Variants in NFIC observed in about 807,000 individuals in gnomAD.
NFIC encodes the protein nuclear factor 1 C-type.
NFIC carries 12 observed loss-of-function variants against 54.4 expected under a neutral mutation model. That is an observed-to-expected ratio of 0.22 (90% CI 0.14 to 0.36). The LOEUF (loss-of-function observed/expected upper bound fraction) is 0.36, where lower values mean the gene tolerates loss of function less well. Among genes scored for constraint, NFIC ranks in the 10% least tolerant of loss-of-function variants. NFIC has a pLI of 1.00. For missense variants in NFIC, 575 were observed against 718.2 expected, an observed-to-expected ratio of 0.80 and a Z score of 2.28; for synonymous variants, 322 against 319.2, an observed-to-expected ratio of 1.01 and a Z score of -0.09.
chr19:3,382,489 T>G (rs1225029417), intron 2 of NFIC, among the ~76,000 whole-genome samples: 1 of 150,872 alleles, frequency 6.6e-6, no homozygotes, highest in East Asian at 2.0e-4. Flanking sequence ...TAGGAGAATA[T>G]GTAAAGTAGG....
Position 3,417,002 on chromosome 19 carries a change from G to C in NFIC, c.563-8104G>C, listed in dbSNP as rs1471921152. Among the ~76,000 whole-genome samples, 6 of 151,940 alleles carry C rather than the reference G, an allele frequency of 3.9e-5. No individual in the cohort carries two copies. In the East Asian group the frequency reaches 1.2e-3, roughly 30 times the overall value. ...GGGTTCACGCCATTCTCCTGCCTCA[G>C]CCTCCGGAGCAGCTGGGACTACAGG... On this transcript the variant is annotated intron_variant, in intron 2 of 10. Transcript: ENST00000443272.
Position 3,449,542 on chromosome 19 carries a change from CT to C in NFIC, c.1084+404del, listed in dbSNP as rs1227239200. Among the ~76,000 whole-genome samples, 5 of 151,998 alleles carry C rather than the reference CT, an allele frequency of 3.3e-5. No individual in the cohort carries two copies. The East Asian group carries it at 9.7e-4, about 30-fold the overall frequency. On this transcript the variant is annotated intron_variant, in intron 7 of 10. Transcript: ENST00000443272. ...TGGGAGGCTGAGGCGGGTGGATCAT[CT>C]GAGGTCAGGAGTTTGAGACCAGCCT...
At chr19:3,361,908 A>C (rs2080816737), upstream of NFIC, among the ~76,000 whole-genome samples, 1 of 152,094 alleles carries the variant, frequency 6.6e-6, no homozygotes, top group African/African-American at 2.4e-5. Flanking sequence ...CTGCACACAC[A>C]ACCACACAGA....
chr19:3,412,993 CAG>C (rs1021051701), intron 2 of NFIC, among the ~76,000 whole-genome samples: 26 of 152,304 alleles, frequency 1.7e-4, no homozygotes, highest in East Asian at 3.9e-4. Flanking sequence ...ACAGTGGACA[CAG>C]GGGCTGGAAG....
chr19:3,462,899 G>C lies in NFIC; in HGVS notation c.*130G>C. The C allele has an allele frequency of 1.3e-6, 2 of 1,554,262 alleles. No homozygotes were observed. Among genetic ancestry groups the C allele is most frequent in the South Asian group, 1.2e-5 (1 of 84,432 alleles). On this transcript the variant is annotated 3_prime_UTR_variant, in exon 11 of 11. Coordinates refer to ENST00000443272, the MANE Select transcript of NFIC (RefSeq NM_001245002.2). The stretch of plus-strand genomic sequence containing the variant: ...GAACACCCCTGCCGACTCCCAGCCC[G>C]GCCAAAAAGACAAAACACATAGACG...
chr19:3,420,408 T>C (rs1176494310), intron 2 of NFIC, among the ~76,000 whole-genome samples: 2 of 151,848 alleles, frequency 1.3e-5, no homozygotes, highest in Non-Finnish European at 2.9e-5. Flanking sequence ...GCTGGGCGTG[T>C]GGGCGTGGTG....
upstream of NFIC, among the ~76,000 whole-genome samples, chr19:3,366,014 C>T (rs909688615): frequency 2.0e-5 from 3 of 151,746 alleles, no homozygotes; most frequent in Non-Finnish European, 2.9e-5. Flanking sequence ...CCGGCCTCTG[C>T]GCACGTCACT....
chr19:3,441,659 G>A (rs138617162), intron 6 of NFIC, among the ~76,000 whole-genome samples: 314 of 152,332 alleles, frequency 2.1e-3, no homozygotes, highest in Non-Finnish European at 3.8e-3. Context: ...AGGGCCAGAG[G>A]GGCCCAAGGG....
At chr19:3,429,253 T>TACACACACACAC (rs57948823) in intron 3 of NFIC, among the ~76,000 whole-genome samples, 1,249 of 50,630 alleles carry the variant, frequency 0.025, 97 homozygotes, top group Non-Finnish European at 0.032. Context: ...AAAAAATATA[T>TACACACACACAC]ACACACACAC....
At chr19:3,456,953 G>C (rs1323458783) in intron 10 of NFIC, 1 of 410,188 alleles carries the variant, frequency 2.4e-6, no homozygotes, top group African/African-American at 2.1e-5. Flanking sequence ...GTATAGATGG[G>C]AAAACTGAGG....
chr19:3,463,477 G>A lies in NFIC; in HGVS notation c.*708G>A. 2.0e-6 allele frequency: 2 copies of A among 985,390 alleles called. No homozygotes were observed. The highest frequency in any genetic ancestry group is 9.4e-5 in the South Asian group (2 of 21,288). 61.0% of individuals were successfully genotyped at this position (985,390 alleles called of 1,614,324 possible). A position where few individuals can be genotyped will look rare whatever the true frequency, so the allele number is the denominator to read the frequency against. On this transcript the variant is annotated 3_prime_UTR_variant, in exon 11 of 11. Coordinates refer to ENST00000443272, the MANE Select transcript of NFIC (RefSeq NM_001245002.2). Reference sequence around the variant, plus strand: ...AGGAAGTGAGGCCCAGGCACCTGCTGCCCCTCGAGGGGGCCCTGCCTGCCG... The same window carrying A: ...AGGAAGTGAGGCCCAGGCACCTGCTACCCCTCGAGGGGGCCCTGCCTGCCG...
At chr19:3,383,624 A>C (rs2081247456) in intron 2 of NFIC, among the ~76,000 whole-genome samples, 1 of 152,136 alleles carries the variant, frequency 6.6e-6, no homozygotes, top group Non-Finnish European at 1.5e-5. Flanking sequence ...CCAAGACCTG[A>C]GTGGGTGCAC....
chr19:3,464,542 C>G lies in NFIC; in HGVS notation c.*1773C>G. ...CCCTCCCCGGCCCACCCAGCCCAGC[C>G]CCAACTGACCTCCATGCCTAGGGAA... On this transcript the variant is annotated 3_prime_UTR_variant, in exon 11 of 11. Coordinates refer to ENST00000443272, the MANE Select transcript of NFIC (RefSeq NM_001245002.2). 1 of 970,122 alleles carries G rather than the reference C, an allele frequency of 1.0e-6. No homozygotes were observed. Among genetic ancestry groups the G allele is most frequent in the Admixed American group, 6.2e-5 (1 of 16,022 alleles). 60.1% of individuals were successfully genotyped at this position (970,122 alleles called of 1,614,324 possible). A position where few individuals can be genotyped will look rare whatever the true frequency, so the allele number is the denominator to read the frequency against.
At chr19:3,388,139 G>A (rs186577657) in intron 2 of NFIC, among the ~76,000 whole-genome samples, 9 of 152,240 alleles carry the variant, frequency 5.9e-5, no homozygotes, top group East Asian at 1.9e-4. Flanking sequence ...GCAGTCCAGC[G>A]CCGGGAATGG....
intron 2 of NFIC, among the ~76,000 whole-genome samples, chr19:3,395,879 C>T (rs1190780778): frequency 6.6e-6 from 1 of 152,170 alleles, no homozygotes; most frequent in Non-Finnish European, 1.5e-5. Context: ...GGGATTTCTC[C>T]ATGTTGGCCA....
At chr19:3,414,856 T>C (rs955355231) in intron 2 of NFIC, among the ~76,000 whole-genome samples, 3 of 152,110 alleles carry the variant, frequency 2.0e-5, no homozygotes. Context: ...TTTGTGTTTT[T>C]TGAGACAGAG....
In NFIC at chr19:3,405,590, A is replaced by T. The variant is rs1440489227; in HGVS notation, c.563-19516A>T. ...ATTCCTTTCTATTTTTATTTAATTT[A>T]ATTTATTTATTTATTTATTTATTTT... On this transcript the variant is annotated intron_variant, in intron 2 of 10. Transcript: ENST00000443272. 7.3e-5 allele frequency among the ~76,000 whole-genome samples: 11 copies of T among 151,316 alleles called. No homozygotes were observed. The South Asian group carries it at 1.0e-3, about 14-fold the overall frequency.
intron 7 of NFIC, among the ~76,000 whole-genome samples, chr19:3,451,648 A>T (rs2082464918): frequency 6.8e-6 from 1 of 148,054 alleles, no homozygotes; most frequent in Admixed American, 6.7e-5. Flanking sequence ...AAAAAAAAAA[A>T]GATCACTATT....
intron 1 of NFIC, among the ~76,000 whole-genome samples, chr19:3,378,032 G>T (rs2081138096): frequency 6.6e-6 from 1 of 151,960 alleles, no homozygotes. Flanking sequence ...ACCACCTGAG[G>T]TCAGGAGTTC....
Sources: gnomAD v4.1 joint callset for allele counts (sites outside exome capture counted in the v4.1 genomes callset) on GRCh38, gnomAD v4.1.1 for gene constraint, MANE v1.5 for transcripts, NCBI Gene and HGNC (gene_info 2026-07-23, HGNC 2026-07-21) for gene names.